The following UGT2B7 variants were observed in gnomAD, a reference collection of about 807,000 sequenced individuals.
The protein encoded by UGT2B7 is UDP glucuronosyltransferase family 2 member B7.
A neutral mutation model predicts 51.9 loss-of-function variants in UGT2B7; 51 were observed. That is an observed-to-expected ratio of 0.98 (90% CI 0.78 to 1.24). The LOEUF (loss-of-function observed/expected upper bound fraction) is 1.24, where lower values mean the gene tolerates loss of function less well. Among genes scored for constraint, UGT2B7 ranks in the 50% most tolerant of loss-of-function variants. The pLI, the probability that UGT2B7 is intolerant of heterozygous loss-of-function variation, is 0.00. For synonymous variants in UGT2B7, 225 were observed against 211.6 expected (o/e 1.06, Z -0.55); for missense variants, 727 against 628.4 (o/e 1.16, Z -1.68).
intron 5 of UGT2B7, among the ~76,000 whole-genome samples, chr4:69,109,444 G>A (rs13136922): frequency 0.18 from 27,924 of 151,946 alleles, 2,919 homozygotes; most frequent in Admixed American, 0.28. Flanking sequence ...GGTGTAAAAT[G>A]ATCTCTCATC....
chr4:69,056,162 C>T (rs1033500034), intron 1 of UGT2B7, among the ~76,000 whole-genome samples: 3 of 151,998 alleles, frequency 2.0e-5, no homozygotes, highest in African/African-American at 7.2e-5. Flanking sequence ...ATGCTTCCCA[C>T]AAAAAAGGAA....
chr4:69,076,250 G>A (rs1349359986), intron 1 of UGT2B7, among the ~76,000 whole-genome samples: 2 of 152,150 alleles, frequency 1.3e-5, no homozygotes, highest in Non-Finnish European at 2.9e-5. Context: ...ATATGTGCAT[G>A]TGTCTTTATA....
chr4:69,100,996 A>G (rs891086917), intron 2 of UGT2B7, among the ~76,000 whole-genome samples: 2 of 152,126 alleles, frequency 1.3e-5, no homozygotes, highest in African/African-American at 2.4e-5. Flanking sequence ...ATTAAACATT[A>G]TGGAAAATAT....
At chr4:69,062,709 A>T (rs761050930) in intron 1 of UGT2B7, among the ~76,000 whole-genome samples, 1 of 152,182 alleles carries the variant, frequency 6.6e-6, no homozygotes, top group Non-Finnish European at 1.5e-5. Flanking sequence ...ACTCTGGAAG[A>T]TGACCAGTCT....
intron 1 of UGT2B7, among the ~76,000 whole-genome samples, chr4:69,084,938 A>T (rs1038895760): frequency 6.6e-6 from 1 of 152,166 alleles, no homozygotes; most frequent in African/African-American, 2.4e-5. Flanking sequence ...ATACTTGTGC[A>T]TGTGTCTTTA....
intron 1 of UGT2B7, among the ~76,000 whole-genome samples, chr4:69,084,111 T>C (rs1162760474): frequency 6.6e-6 from 1 of 152,142 alleles, no homozygotes; most frequent in African/African-American, 2.4e-5. Context: ...TATCAAATGC[T>C]TTTTGTGCAT....
intron 1 of UGT2B7, among the ~76,000 whole-genome samples, chr4:69,064,098 G>A (rs57066056): frequency 0.027 from 2,366 of 89,210 alleles, 18 homozygotes; most frequent in East Asian, 0.06. Context: ...GAAAGAAAGA[G>A]AAAGAAAGAA....
chr4:69,104,434 G>GT (rs1165325071), intron 3 of UGT2B7, among the ~76,000 whole-genome samples: 1 of 151,872 alleles, frequency 6.6e-6, no homozygotes, highest in Non-Finnish European at 1.5e-5. Flanking sequence ...CGTATGGTTA[G>GT]TTTTTTACAT....
At chr4:69,065,136 T>C (rs1718458086) in intron 1 of UGT2B7, among the ~76,000 whole-genome samples, 1 of 152,204 alleles carries the variant, frequency 6.6e-6, no homozygotes. Flanking sequence ...GTTTAGGCTT[T>C]CCATGTAATC....
At chr4:69,065,635 C>T (rs1020967687) in intron 1 of UGT2B7, among the ~76,000 whole-genome samples, 7 of 152,080 alleles carry the variant, frequency 4.6e-5, no homozygotes, top group African/African-American at 1.4e-4. Context: ...ATTATATGTA[C>T]TTTCTAAGTA....
upstream of UGT2B7, among the ~76,000 whole-genome samples, chr4:69,095,967 A>C (rs1226971262): frequency 6.6e-6 from 1 of 152,164 alleles, no homozygotes; most frequent in African/African-American, 2.4e-5. Context: ...GGTGGAGAGA[A>C]AAAGGCTAAG....
intron 1 of UGT2B7, among the ~76,000 whole-genome samples, chr4:69,085,040 G>A (rs56028004): frequency 0.033 from 5,064 of 152,112 alleles, 120 homozygotes; most frequent in Middle Eastern, 0.11. Flanking sequence ...TTGAAGAATC[G>A]CCACACTGTC....
At chr4:69,106,874 A>C (rs1488658700) in intron 3 of UGT2B7, among the ~76,000 whole-genome samples, 1 of 147,322 alleles carries the variant, frequency 6.8e-6, no homozygotes, top group South Asian at 2.1e-4. Flanking sequence ...TTTTTTTCAT[A>C]TGATGGTTGG....
intron 1 of UGT2B7, among the ~76,000 whole-genome samples, chr4:69,064,454 G>C (rs1381098579): frequency 6.6e-6 from 1 of 152,252 alleles, no homozygotes; most frequent in Non-Finnish European, 1.5e-5. Flanking sequence ...AACTACAGCT[G>C]TCTGGGCACC....
At chr4:69,079,223 C>T (rs945988392) in intron 1 of UGT2B7, among the ~76,000 whole-genome samples, 3 of 152,122 alleles carry the variant, frequency 2.0e-5, no homozygotes, top group Non-Finnish European at 2.9e-5. Context: ...GGAAGCTGCA[C>T]CCTTCTGCTG....
chr4:69,084,061 T>C (rs1361646945), intron 1 of UGT2B7, among the ~76,000 whole-genome samples: 1 of 152,158 alleles, frequency 6.6e-6, no homozygotes, highest in African/African-American at 2.4e-5. Context: ...AGTATACTTG[T>C]TGAAAGTTGA....
At position 69,074,517 on chromosome 4, in the gene UGT2B7, C is replaced by T. The variant is rs542391950; in HGVS notation, c.-158-14955C>T. Among the ~76,000 whole-genome samples the T allele has an allele frequency of 2.0e-4, 30 of 150,478 alleles. 2 individuals are homozygous for T. In the South Asian group the frequency reaches 5.8e-3, roughly 29 times the overall value. On this transcript the variant is annotated intron_variant, in intron 1 of 5. Transcript: ENST00000502942. ...TCCTTGGGTGAAAATCTTCCAACTGCGTGTCACTGGTTATTTCCTCATATG... is the reference window on the plus strand; with the variant it reads ...TCCTTGGGTGAAAATCTTCCAACTGTGTGTCACTGGTTATTTCCTCATATG...
intron 3 of UGT2B7, among the ~76,000 whole-genome samples, chr4:69,106,158 A>T (rs1719592711): frequency 6.6e-6 from 1 of 152,118 alleles, no homozygotes; most frequent in Admixed American, 6.6e-5. Flanking sequence ...TTTTTTACAT[A>T]GGTAAACTTG....
In UGT2B7 at chr4:69,107,244, C is replaced by G; in HGVS notation, c.1072C>G (p.Pro358Ala). The change falls in exon 4 of 6, where the codon CCC (proline) becomes GCC (alanine). Residue 358 changes from proline to alanine, a missense_variant. Pro to Ala is a conservative substitution (Grantham distance 27, BLOSUM62 -1). Transcript: ENST00000305231. The stretch of plus-strand genomic sequence containing the variant: ...CAATACTCGGCTCTACAAGTGGATA[C>G]CCCAGAATGACCTTCTAGGTAAGAC... ...GLNTRLYKWI[P>A]QNDLLGHPKT... The G allele has an allele frequency of 1.2e-6, 2 of 1,608,396 alleles. No individual in the cohort carries two copies. The highest frequency in any genetic ancestry group is 1.7e-6 in the Non-Finnish European group (2 of 1,176,560).
Sources: gnomAD v4.1 joint callset for allele counts (sites outside exome capture counted in the v4.1 genomes callset) on GRCh38, gnomAD v4.1.1 for gene constraint, MANE v1.5 for transcripts, NCBI Gene and HGNC (gene_info 2026-07-23, HGNC 2026-07-21) for gene names.